Variants in KLHL1 observed in about 807,000 individuals in gnomAD.
KLHL1 encodes the protein kelch-like protein 1.
Under a neutral mutation model 77.7 loss-of-function variants are expected in KLHL1, and 47 were observed. That is an observed-to-expected ratio of 0.60 (90% CI 0.48 to 0.77). The LOEUF is 0.77. Ranked by LOEUF, KLHL1 falls within the 30% of genes least tolerant of loss-of-function variation. The pLI, the probability that KLHL1 is intolerant of heterozygous loss-of-function variation, is 0.00. For missense variants in KLHL1, 925 were observed against 910.8 expected, an observed-to-expected ratio of 1.02 and a Z score of -0.20; for synonymous variants, 360 against 325.2, an observed-to-expected ratio of 1.11 and a Z score of -1.15.
rs1463343012 is a variant in KLHL1 at position 69,827,878 on chromosome 13, A to ATGGTAGAAACT, written c.1414+11097_1414+11098insAGTTTCTACCA. 1.0e-4 allele frequency among the ~76,000 whole-genome samples: 14 copies of ATGGTAGAAACT among 136,008 alleles called. 1 individual carries two copies. The highest frequency in any genetic ancestry group is 4.3e-4 in the African/African-American group (14 of 32,534). The allele number at this position is 136,008 out of a possible 152,430, so 89.2% of individuals were successfully genotyped here. A position where few individuals can be genotyped will look rare whatever the true frequency, so the allele number is the denominator to read the frequency against. ...CTACTTACTAAATGGTAGAAACTAA[A>ATGGTAGAAACT]AAAGTTTCTTAATCTCTTCAAATTC... On this transcript the variant is annotated intron_variant, in intron 6 of 10. Transcript: ENST00000377844.
chr13:69,788,809 T>C (rs1171836225), intron 7 of KLHL1, among the ~76,000 whole-genome samples: 2 of 152,172 alleles, frequency 1.3e-5, no homozygotes, highest in Non-Finnish European at 1.5e-5. Context: ...TTAGAAAGAC[T>C]TGATCAGAGA....
chr13:69,946,169 T>C (rs561838508), intron 3 of KLHL1, among the ~76,000 whole-genome samples: 183 of 152,250 alleles, frequency 1.2e-3, no homozygotes, highest in African/African-American at 4.1e-3. Context: ...CTGATGCTTA[T>C]GTACTAGGTG....
chr13:69,807,600 C>A (rs1877670914), intron 6 of KLHL1, among the ~76,000 whole-genome samples: 2 of 152,032 alleles, frequency 1.3e-5, no homozygotes, highest in Non-Finnish European at 2.9e-5. Context: ...ACACCCGGCA[C>A]CATTCTGAGT....
chr13:70,086,586 AAAAAAAAGAAAG>A lies in KLHL1; in HGVS notation c.497+20605_497+20616del, dbSNP rs1464459998. Among the ~76,000 whole-genome samples, 152 of 84,934 alleles carry A rather than the reference AAAAAAAAGAAAG, an allele frequency of 1.8e-3. 2 individuals carry two copies. The highest frequency in any genetic ancestry group is 4.5e-3 in the African/African-American group (90 of 19,874). The allele number at this position is 84,934 out of a possible 152,430, so 55.7% of individuals were successfully genotyped here. Reference sequence around the variant, plus strand: ...AAGCTCTGTCTCAAAAAAAAAAAAAAAAAAAAAGAAAGAAAGAAAGAAAGAAAGAAAGAAAGA... The same window carrying A: ...AAGCTCTGTCTCAAAAAAAAAAAAAAAAAGAAAGAAAGAAAGAAAGAAAGA... On this transcript the variant is annotated intron_variant, in intron 1 of 10. Coordinates refer to ENST00000377844, the MANE Select transcript of KLHL1 (RefSeq NM_020866.3).
At chr13:69,716,493 T>C (rs1368218959) in intron 9 of KLHL1, among the ~76,000 whole-genome samples, 2 of 152,268 alleles carry the variant, frequency 1.3e-5, no homozygotes, top group East Asian at 1.9e-4. Context: ...TCTGGTCAAA[T>C]TTGCAATATG....
chr13:70,063,450 C>A (rs1226999375), intron 1 of KLHL1, among the ~76,000 whole-genome samples: 1 of 152,042 alleles, frequency 6.6e-6, no homozygotes, highest in African/African-American at 2.4e-5. Context: ...ATCACTAGAA[C>A]TGTGTATAGT....
At chr13:69,826,431 A>T (rs141926425) in intron 6 of KLHL1, among the ~76,000 whole-genome samples, 3 of 150,638 alleles carry the variant, frequency 2.0e-5, no homozygotes, top group African/African-American at 7.5e-5. Context: ...CTAAAAACAC[A>T]AAAAAACCCA....
At chr13:69,935,207 T>TACTGGTGAACTTGGTATATAGTTCACCC (rs1566419658) in intron 4 of KLHL1, among the ~76,000 whole-genome samples, 3 of 118,426 alleles carry the variant, frequency 2.5e-5, no homozygotes, top group Non-Finnish European at 3.5e-5. Flanking sequence ...ACATAGTTGG[T>TACTGGTGAACTTGGTATATAGTTCACCC]ACTGGTGAAC....
chr13:69,959,109 G>C (rs1300314066), intron 3 of KLHL1, among the ~76,000 whole-genome samples: 1 of 152,076 alleles, frequency 6.6e-6, no homozygotes, highest in Non-Finnish European at 1.5e-5. Context: ...CAAAGTGGCA[G>C]TGGCAGCTGA....
intron 7 of KLHL1, among the ~76,000 whole-genome samples, chr13:69,786,581 G>A (rs762070849): frequency 6.6e-5 from 10 of 152,096 alleles, no homozygotes; most frequent in Admixed American, 2.6e-4. Flanking sequence ...GAAGCATTCC[G>A]TTTGAAAACT....
chr13:70,013,326 A>C (rs1272093728), intron 1 of KLHL1, among the ~76,000 whole-genome samples: 1 of 152,226 alleles, frequency 6.6e-6, no homozygotes, highest in East Asian at 1.9e-4. Flanking sequence ...AGCAAATACC[A>C]ATGGTAATGA....
intron 6 of KLHL1, among the ~76,000 whole-genome samples, chr13:69,829,100 T>G (rs114652064): frequency 0.016 from 2,352 of 150,612 alleles, 246 homozygotes; most frequent in African/African-American, 0.054. Context: ...TCTTGAAAGT[T>G]CCACCTCCTG....
Position 69,976,383 on chromosome 13 carries a change from T to C in KLHL1, c.498-581A>G, listed in dbSNP as rs1330274021. On this transcript the variant is annotated intron_variant, in intron 1 of 10. Transcript: ENST00000377844. ...GTAGAATGTATTAACTCAGTACTTA[T>C]AATAACTTTAATCATTAATAGATAT... is the stretch of plus-strand genomic sequence containing the variant. Among the ~76,000 whole-genome samples the C allele has an allele frequency of 2.6e-5, 4 of 152,214 alleles. No individual in the cohort carries two copies. The East Asian group carries it at 7.7e-4, about 29-fold the overall frequency.
At chr13:69,887,392 C>T (rs1454021273) in intron 4 of KLHL1, among the ~76,000 whole-genome samples, 1 of 152,094 alleles carries the variant, frequency 6.6e-6, no homozygotes, top group Non-Finnish European at 1.5e-5. Context: ...TATCGAGCAG[C>T]TTTTTCATTT....
intron 9 of KLHL1, among the ~76,000 whole-genome samples, chr13:69,717,865 T>C (rs1304239686): frequency 6.6e-6 from 1 of 152,168 alleles, no homozygotes; most frequent in Non-Finnish European, 1.5e-5. Flanking sequence ...TAGTTCCTGA[T>C]TTCCGTGGAC....
Position 69,853,886 on chromosome 13 carries a change from G to A in KLHL1, c.1228-14724C>T, listed in dbSNP as rs540099597. Among the ~76,000 whole-genome samples the A allele has an allele frequency of 9.2e-5, 14 of 152,092 alleles. No individual in the cohort carries two copies. In the South Asian group the frequency reaches 2.9e-3, roughly 32 times the overall value. On this transcript the variant is annotated intron_variant, in intron 5 of 10. Coordinates refer to ENST00000377844, the MANE Select transcript of KLHL1 (RefSeq NM_020866.3). ...AGAGTAAATAGAATATGGAGACTTT[G>A]CTTAGCGTAAGGCTTAATAATAATC...
chr13:69,853,520 C>T (rs1261462701), intron 5 of KLHL1, among the ~76,000 whole-genome samples: 5 of 152,000 alleles, frequency 3.3e-5, no homozygotes, highest in Non-Finnish European at 5.9e-5. Flanking sequence ...TGAAGTAATA[C>T]AACTACTTAC....
rs2113359 is a variant in KLHL1 at position 69,834,467 on chromosome 13, C to T, written c.1414+4509G>A. Among the ~76,000 whole-genome samples, 1,214 of 151,988 alleles carry T rather than the reference C, an allele frequency of 8.0e-3. 18 individuals carry two copies. Among genetic ancestry groups the T allele is most frequent in the African/African-American group, 0.028 (1,162 of 41,478 alleles). On this transcript the variant is annotated intron_variant, in intron 6 of 10. Transcript: ENST00000377844. ...TCTTCTAATTACACTTGGCTTTTCACATCTTCAAAATATTACAAAGGTGAA... is the reference window on the plus strand; with the variant it reads ...TCTTCTAATTACACTTGGCTTTTCATATCTTCAAAATATTACAAAGGTGAA...
intron 4 of KLHL1, among the ~76,000 whole-genome samples, chr13:69,900,848 G>A (rs1425757776): frequency 3.3e-5 from 5 of 152,108 alleles, no homozygotes; most frequent in Non-Finnish European, 7.4e-5. Flanking sequence ...CCATTTTCTT[G>A]TTAATTTGTG....
Sources: allele counts gnomAD v4.1 joint callset (sites outside exome capture counted in the v4.1 genomes callset), GRCh38; gene constraint gnomAD v4.1.1; transcripts MANE v1.5; gene names NCBI Gene and HGNC (gene_info 2026-07-23, HGNC 2026-07-21).